Variants in LRP1B observed in about 807,000 individuals in gnomAD.
The protein encoded by LRP1B is low-density lipoprotein receptor-related protein 1B.
Under a neutral mutation model 556.6 loss-of-function variants are expected in LRP1B, and 217 were observed. That is an observed-to-expected ratio of 0.39 (90% confidence interval 0.35 to 0.44). The LOEUF (loss-of-function observed/expected upper bound fraction) is 0.44. Among genes scored for constraint, LRP1B ranks in the 20% least tolerant of loss-of-function variants. LRP1B has a pLI of 1.00. For synonymous variants in LRP1B, 2,047 were observed against 1,865.8 expected (o/e 1.10, Z -2.50); for missense variants, 5,053 against 5,620.8 (o/e 0.90, Z 3.23).
At chr2:140,751,588 T>TC (rs905732650) in intron 35 of LRP1B, among the ~76,000 whole-genome samples, 2 of 152,216 alleles carry the variant, frequency 1.3e-5, no homozygotes, top group Non-Finnish European at 1.5e-5. Context: ...ACTTTATTTT[T>TC]CCCACACAGA....
intron 11 of LRP1B, among the ~76,000 whole-genome samples, chr2:141,044,997 A>G: frequency 6.6e-6 from 1 of 151,692 alleles, no homozygotes; most frequent in East Asian, 1.9e-4. Context: ...ATTATTCATG[A>G]TAGCAAAGAC....
At chr2:140,340,319 G>T (rs1346182703) in intron 77 of LRP1B, among the ~76,000 whole-genome samples, 3 of 151,530 alleles carry the variant, frequency 2.0e-5, no homozygotes, top group Non-Finnish European at 4.4e-5. Context: ...GATGGTCTTT[G>T]AACATGTCTA....
intron 2 of LRP1B, among the ~76,000 whole-genome samples, chr2:141,544,296 C>CTCTTCTTCTTCTTCTTCTTCTTT (rs1685379482): frequency 1.3e-5 from 1 of 78,300 alleles, no homozygotes; most frequent in Non-Finnish European, 2.6e-5. Context: ...AAATTTACCA[C>CTCTTCTTCTTCTTCTTCTTCTTT]TCTTCTTCTT....
At chr2:142,080,791 C>T (rs1705684297) in intron 1 of LRP1B, among the ~76,000 whole-genome samples, 1 of 152,166 alleles carries the variant, frequency 6.6e-6, no homozygotes, top group Non-Finnish European at 1.5e-5. Context: ...CCACCTGAAA[C>T]TCCTGGATAC....
intron 6 of LRP1B, among the ~76,000 whole-genome samples, chr2:141,189,265 A>G (rs1261580824): frequency 1.3e-5 from 2 of 151,978 alleles, no homozygotes; most frequent in Non-Finnish European, 2.9e-5. Flanking sequence ...TATGTGAGGT[A>G]TGCAAAATTA....
intron 7 of LRP1B, among the ~76,000 whole-genome samples, chr2:141,083,936 G>A (rs1369641317): frequency 2.0e-5 from 3 of 152,168 alleles, no homozygotes; most frequent in Non-Finnish European, 4.4e-5. Flanking sequence ...AACAGAAAAT[G>A]AACTAAGATA....
chr2:140,468,646 T>C (rs536833586), intron 60 of LRP1B, among the ~76,000 whole-genome samples: 2 of 152,354 alleles, frequency 1.3e-5, no homozygotes, highest in South Asian at 4.1e-4. Flanking sequence ...CCCCTGGAAC[T>C]TTTGGGGCCC....
intron 1 of LRP1B, among the ~76,000 whole-genome samples, chr2:141,834,949 A>G (rs1697223522): frequency 6.6e-6 from 1 of 151,994 alleles, no homozygotes; most frequent in Admixed American, 6.6e-5. Flanking sequence ...GAAGATACAC[A>G]AGAAAAAAGA....
chr2:140,993,616 C>A (rs938210791), intron 16 of LRP1B, among the ~76,000 whole-genome samples: 1 of 152,098 alleles, frequency 6.6e-6, no homozygotes, highest in East Asian at 1.9e-4. Flanking sequence ...TGGATCGTGA[C>A]CTTCTGTACC....
At chr2:142,011,780 A>T (rs187535588) in intron 1 of LRP1B, among the ~76,000 whole-genome samples, 1 of 152,318 alleles carries the variant, frequency 6.6e-6, no homozygotes, top group African/African-American at 2.4e-5. Context: ...CAAGAAATAC[A>T]TAAATATGTA....
intron 23 of LRP1B, 138 bp downstream of exon 23, chr2:140,902,782 C>A: frequency 3.5e-6 from 3 of 866,254 alleles, no homozygotes; most frequent in Non-Finnish European, 3.5e-6. Flanking sequence ...TATAGTAGGT[C>A]TAAAATAACA....
At chr2:141,737,468 C>A (rs1335475971) in intron 2 of LRP1B, among the ~76,000 whole-genome samples, 1 of 152,154 alleles carries the variant, frequency 6.6e-6, no homozygotes, top group Non-Finnish European at 1.5e-5. Context: ...GCAGAGAAAT[C>A]CTCATCAGGA....
intron 3 of LRP1B, among the ~76,000 whole-genome samples, chr2:141,291,713 G>A (rs779224868): frequency 1.3e-4 from 19 of 151,760 alleles, no homozygotes; most frequent in Non-Finnish European, 2.1e-4. Flanking sequence ...AAAATTAGCC[G>A]GGAGTGGTGG....
intron 2 of LRP1B, among the ~76,000 whole-genome samples, chr2:141,535,752 T>G (rs538631158): frequency 2.0e-5 from 3 of 152,098 alleles, no homozygotes; most frequent in Admixed American, 6.6e-5. Context: ...TTGAAATTCT[T>G]CATGATGGTC....
intron 41 of LRP1B, among the ~76,000 whole-genome samples, chr2:140,635,349 G>C (rs1684035043): frequency 6.6e-6 from 1 of 151,974 alleles, no homozygotes; most frequent in South Asian, 2.1e-4. Flanking sequence ...TGTGAATCCT[G>C]TAGGTTTTCC....
intron 1 of LRP1B, among the ~76,000 whole-genome samples, chr2:141,911,704 T>C: frequency 6.6e-6 from 1 of 152,192 alleles, no homozygotes; most frequent in Admixed American, 6.5e-5. Flanking sequence ...TGACATCACT[T>C]AGATACATAA....
chr2:141,961,096 GAAGT>G (rs1273048227), intron 1 of LRP1B, among the ~76,000 whole-genome samples: 1 of 151,698 alleles, frequency 6.6e-6, no homozygotes, highest in African/African-American at 2.4e-5. Flanking sequence ...TGCAGCATTT[GAAGT>G]AATTATTTAT....
chr2:140,350,869 C>T lies in LRP1B; in HGVS notation c.11820G>A (p.Gln3940=). 6.2e-7 allele frequency: 1 copy of T among 1,610,446 alleles called. No homozygotes were observed. The highest frequency in any genetic ancestry group is 8.5e-7 in the Non-Finnish European group (1 of 1,177,540). The stretch of plus-strand genomic sequence containing the variant: ...TGTAGAAAATTCCGCCTGGATTAAA[C>T]TGAGTACTCCAAATAATCATATCTC... ...YQRDMIIWST[Q]FNPGGIFYKR... Residue 3940 remains glutamine, a synonymous_variant, in exon 77 of 91, where the codon CAG becomes CAA. Transcript: ENST00000389484.
At chr2:140,656,384 G>T (rs1559035778) in intron 41 of LRP1B, among the ~76,000 whole-genome samples, 1 of 152,128 alleles carries the variant, frequency 6.6e-6, no homozygotes, top group East Asian at 1.9e-4. Context: ...AAATCATTGA[G>T]AAAATCACAA....
Sources: gnomAD v4.1 joint callset for allele counts (sites outside exome capture counted in the v4.1 genomes callset) on GRCh38, gnomAD v4.1.1 for gene constraint, MANE v1.5 for transcripts, NCBI Gene and HGNC (gene_info 2026-07-23, HGNC 2026-07-21) for gene names.